ADAMTS20: variants seen among roughly 807,000 people sequenced by gnomAD.
The protein encoded by ADAMTS20 is ADAM metallopeptidase with thrombospondin type 1 motif 20.
A neutral mutation model predicts 260.1 loss-of-function variants in ADAMTS20; 225 were observed. That is an observed-to-expected ratio of 0.87 (90% CI 0.78 to 0.97). The LOEUF (loss-of-function observed/expected upper bound fraction) is 0.97, where lower values mean the gene tolerates loss of function less well. ADAMTS20 is among the 50% of genes least tolerant of loss of function. The pLI, the probability that ADAMTS20 is intolerant of heterozygous loss-of-function variation, is 0.00. For missense variants in ADAMTS20, 2,400 were observed against 2,337.7 expected, an observed-to-expected ratio of 1.03 and a Z score of -0.55; for synonymous variants, 802 against 769.5, an observed-to-expected ratio of 1.04 and a Z score of -0.70.
At chr12:43,507,875 C>G (rs575834037) in intron 3 of ADAMTS20, among the ~76,000 whole-genome samples, 1 of 152,292 alleles carries the variant, frequency 6.6e-6, no homozygotes, top group African/African-American at 2.4e-5. Flanking sequence ...CCTTAACAAT[C>G]TAATGCAGGA....
chr12:43,377,511 C>T lies in ADAMTS20; in HGVS notation c.4849G>A (p.Glu1617Lys), dbSNP rs760483355. The T allele has an allele frequency of 1.1e-5, 18 of 1,613,502 alleles. No individual in the cohort carries two copies. The highest frequency in any genetic ancestry group is 1.6e-4 in the Middle Eastern group (1 of 6,062). The change falls in exon 32 of 39, where the codon GAG becomes AAG. Residue 1617 changes from glutamate (E) to lysine (K), a missense_variant. Transcript: ENST00000389420. ...SYRQRITYCT[E>K]IPSTKKHKLH... ...TTATGTTTCTTAGTAGATGGGATCT[C>T]GGTGCAATATGTAATCCTTTGTCTG...
intron 3 of ADAMTS20, among the ~76,000 whole-genome samples, chr12:43,508,486 A>C (rs906761234): frequency 2.6e-5 from 4 of 152,184 alleles, no homozygotes; most frequent in Non-Finnish European, 5.9e-5. Context: ...CCACCAAAAA[A>C]CAGAAACTTT....
intron 3 of ADAMTS20, among the ~76,000 whole-genome samples, chr12:43,511,221 C>T (rs1309666905): frequency 6.6e-6 from 1 of 152,032 alleles, no homozygotes; most frequent in Admixed American, 6.6e-5. Flanking sequence ...CCAAATGTTC[C>T]CGCTGTCTTC....
chr12:43,432,068 G>A (rs1160652713), intron 21 of ADAMTS20, among the ~76,000 whole-genome samples: 2 of 151,892 alleles, frequency 1.3e-5, no homozygotes, highest in Non-Finnish European at 2.9e-5. Context: ...GCTCAGGCTG[G>A]TCTTGAACAT....
At position 43,501,922 on chromosome 12, in the gene ADAMTS20, A is replaced by G. The variant is rs570359992; in HGVS notation, c.867+230T>C. On this transcript the variant is annotated intron_variant, in intron 4 of 38. Transcript: ENST00000389420. ...GTAAAGAATAATTCAAGCATTTTCT[A>G]TAAGAGGTTTTGGGGATTTTTAAAT... 3.3e-5 allele frequency among the ~76,000 whole-genome samples: 5 copies of G among 152,318 alleles called. No homozygotes were observed. The South Asian group carries it at 8.3e-4, about 25-fold the overall frequency.
At position 43,361,859 on chromosome 12, in the gene ADAMTS20, T is replaced by C. The variant is rs1315181262; in HGVS notation, c.5539-5271A>G. ...TTAATAAAATAAAATAAAATTTTAATTCCATTTGACAGTTATATGATTTAC... is the reference window on the plus strand; with the variant it reads ...TTAATAAAATAAAATAAAATTTTAACTCCATTTGACAGTTATATGATTTAC... On this transcript the variant is annotated intron_variant, in intron 37 of 38. Coordinates refer to ENST00000389420, the MANE Select transcript of ADAMTS20 (RefSeq NM_025003.5). Among the ~76,000 whole-genome samples, 5 of 152,236 alleles carry C rather than the reference T, an allele frequency of 3.3e-5. No individual in the cohort carries two copies. The East Asian group carries it at 9.6e-4, about 29-fold the overall frequency.
At chr12:43,397,604 C>A (rs935085548) in intron 29 of ADAMTS20, among the ~76,000 whole-genome samples, 3 of 152,110 alleles carry the variant, frequency 2.0e-5, no homozygotes, top group Non-Finnish European at 4.4e-5. Flanking sequence ...GTATTTCTTT[C>A]TTGAACAACT....
At position 43,399,233 on chromosome 12, in the gene ADAMTS20, A is replaced by C. The variant is rs1355448573; in HGVS notation, c.4285T>G (p.Cys1429Gly). The C allele has an allele frequency of 1.3e-6, 2 of 1,507,726 alleles. No individual in the cohort carries two copies. Among genetic ancestry groups the C allele is most frequent in the Non-Finnish European group, 1.8e-6 (2 of 1,129,764 alleles). 93.4% of individuals were successfully genotyped at this position (1,507,726 alleles called of 1,614,324 possible). A position where few individuals can be genotyped will look rare whatever the true frequency, so the allele number is the denominator to read the frequency against. The change falls in exon 29 of 39, where the codon TGC becomes GGC. Residue 1429 changes from cysteine (C) to glycine (G), a missense_variant and splice_region_variant. Transcript: ENST00000389420. ...VSWHQEPWTS[C>G]SASCGKGRKY... is the part of the protein sequence containing the mutation. Reference sequence around the variant, plus strand: ...CTACCTTTACCACAAGAAGCTGAGCACTAGAAAAGAAATATGAATGCACTT... The same window carrying C: ...CTACCTTTACCACAAGAAGCTGAGCCCTAGAAAAGAAATATGAATGCACTT...
At chr12:43,534,756 T>C (rs1215693559) in intron 2 of ADAMTS20, among the ~76,000 whole-genome samples, 1 of 152,158 alleles carries the variant, frequency 6.6e-6, no homozygotes, top group Admixed American at 6.6e-5. Context: ...TTCACTACTA[T>C]TGCATAATAA....
chr12:43,356,421 C>A (rs1003450851), intron 38 of ADAMTS20, 63 bp downstream of exon 38: 10 of 1,088,740 alleles, frequency 9.2e-6, no homozygotes, highest in South Asian at 1.5e-5. Context: ...GGTAGAGAAC[C>A]TTTAATGCTA....
chr12:43,370,954 T>C (rs1055039697), intron 36 of ADAMTS20, among the ~76,000 whole-genome samples: 3 of 152,188 alleles, frequency 2.0e-5, no homozygotes, highest in Non-Finnish European at 4.4e-5. Context: ...TTTTCATGGA[T>C]ACAATCTGTT....
At chr12:43,504,691 G>T (rs572645563) in intron 3 of ADAMTS20, among the ~76,000 whole-genome samples, 1 of 152,090 alleles carries the variant, frequency 6.6e-6, no homozygotes, top group Middle Eastern at 3.2e-3. Context: ...AAACATTTAG[G>T]TATTGAGGAG....
intron 28 of ADAMTS20, among the ~76,000 whole-genome samples, chr12:43,420,732 C>T (rs966884810): frequency 1.2e-4 from 18 of 149,896 alleles, no homozygotes; most frequent in Non-Finnish European, 5.9e-5. Context: ...TCAGATTTAC[C>T]GGTGTTTGCT....
At chr12:43,523,869 T>C (rs79124811) in intron 3 of ADAMTS20, among the ~76,000 whole-genome samples, 54 of 148,902 alleles carry the variant, frequency 3.6e-4, no homozygotes, top group East Asian at 8.2e-4. Flanking sequence ...AGCACCCCCC[T>C]CCCCCAACCA....
intron 36 of ADAMTS20, among the ~76,000 whole-genome samples, chr12:43,372,330 C>T (rs1940125102): frequency 6.6e-6 from 1 of 151,986 alleles, no homozygotes; most frequent in African/African-American, 2.4e-5. Context: ...AGGATGGTGT[C>T]CTGGGATCCA....
At chr12:43,502,038 C>A (rs570262322) in intron 4 of ADAMTS20, 114 bp downstream of exon 4, 8 of 988,402 alleles carry the variant, frequency 8.1e-6, no homozygotes, top group Middle Eastern at 3.2e-4. Flanking sequence ...TTGGCTTAAA[C>A]CTAGATACAA....
rs376794908 is a variant in ADAMTS20, at chr12:43,424,226, T to C, written c.4284+1288A>G. On this transcript the variant is annotated intron_variant, in intron 28 of 38. Transcript: ENST00000389420. ...CACTTAATGGCAATGTACTTGGTCA[T>C]TCTTGATTTAAAATATCAATGGTAA... 2.6e-4 allele frequency among the ~76,000 whole-genome samples: 39 copies of C among 152,318 alleles called. No individual in the cohort carries two copies. The East Asian group carries it at 4.4e-3, about 17-fold the overall frequency.
chr12:43,513,665 T>A (rs952173472), intron 3 of ADAMTS20, among the ~76,000 whole-genome samples: 2 of 152,064 alleles, frequency 1.3e-5, no homozygotes, highest in Admixed American at 1.3e-4. Context: ...CCAACCCAAA[T>A]GTCCAACAAT....
At chr12:43,355,881 A>G (rs1939733162) in intron 38 of ADAMTS20, among the ~76,000 whole-genome samples, 1 of 152,054 alleles carries the variant, frequency 6.6e-6, no homozygotes, top group South Asian at 2.1e-4. Flanking sequence ...AAATAGTTAT[A>G]ACTATATATA....
Sources: allele counts gnomAD v4.1 joint callset (sites outside exome capture counted in the v4.1 genomes callset), GRCh38; gene constraint gnomAD v4.1.1; transcripts MANE v1.5; gene names NCBI Gene and HGNC (gene_info 2026-07-23, HGNC 2026-07-21).